The following CLEC16A variants were observed in gnomAD, a reference collection of about 807,000 sequenced individuals.
The protein encoded by CLEC16A is protein CLEC16A.
Under a neutral mutation model 109.5 loss-of-function variants are expected in CLEC16A, and 51 were observed. That is an observed-to-expected ratio of 0.47 (90% confidence interval 0.37 to 0.59). CLEC16A has a LOEUF of 0.59. CLEC16A is among the 20% of genes least tolerant of loss of function. The pLI, the probability that CLEC16A is intolerant of heterozygous loss-of-function variation, is 0.00. For missense variants in CLEC16A, 1,339 were observed against 1,394.0 expected (o/e 0.96, Z 0.63); for synonymous variants, 673 against 564.2 (o/e 1.19, Z -2.73).
chr16:11,044,927 CAAAAA>C (rs71404442), intron 16 of CLEC16A, among the ~76,000 whole-genome samples: 1 of 86,948 alleles, frequency 1.2e-5, no homozygotes, highest in African/African-American at 4.7e-5. Context: ...AACTCCATCT[CAAAAA>C]AAAAAAAAAA....
intron 18 of CLEC16A, among the ~76,000 whole-genome samples, chr16:11,058,275 C>T (rs963158600): frequency 6.6e-6 from 1 of 152,178 alleles, no homozygotes; most frequent in Non-Finnish European, 1.5e-5. Context: ...AGTCATCCCT[C>T]GGTATCCATG....
intron 23 of CLEC16A, among the ~76,000 whole-genome samples, chr16:11,175,941 T>C (rs754647009): frequency 1.9e-4 from 29 of 152,184 alleles, no homozygotes; most frequent in Middle Eastern, 6.3e-3. Flanking sequence ...TAAGAAAACG[T>C]GAAGGTAACG....
Position 11,015,683 on chromosome 16 carries a change from C to T in CLEC16A, c.1304-4510C>T, listed in dbSNP as rs575240927. Among the ~76,000 whole-genome samples, 16 of 152,356 alleles carry T rather than the reference C, an allele frequency of 1.1e-4. 1 individual carries two copies. The South Asian group carries it at 3.3e-3, about 32-fold the overall frequency. Reference sequence around the variant, plus strand: ...AGCTTGGTGCTGAATTGTCTTCACCCTCTTCTCTGCTCCGGAATTCTGCTG... The same window carrying T: ...AGCTTGGTGCTGAATTGTCTTCACCTTCTTCTCTGCTCCGGAATTCTGCTG... On this transcript the variant is annotated intron_variant, in intron 11 of 23. Transcript: ENST00000409790.
At chr16:11,012,451 C>G (rs2045479624) in intron 11 of CLEC16A, among the ~76,000 whole-genome samples, 3 of 151,786 alleles carry the variant, frequency 2.0e-5, no homozygotes, top group African/African-American at 2.4e-5. Flanking sequence ...AAAAATTAAC[C>G]AGGCGGAATG....
chr16:10,963,630 G>C (rs569869483), intron 3 of CLEC16A, among the ~76,000 whole-genome samples: 24 of 152,258 alleles, frequency 1.6e-4, no homozygotes, highest in South Asian at 6.2e-4. Context: ...GTGTGACTCC[G>C]AACTTCTTAC....
At chr16:11,165,249 G>A (rs1473789516) in intron 22 of CLEC16A, among the ~76,000 whole-genome samples, 1 of 152,060 alleles carries the variant, frequency 6.6e-6, no homozygotes, top group Non-Finnish European at 1.5e-5. Context: ...CCAGAACTTT[G>A]GGAGGCTGAA....
chr16:11,166,669 C>T (rs545827344), intron 23 of CLEC16A, 117 bp downstream of exon 23: 6 of 1,025,652 alleles, frequency 5.8e-6, no homozygotes, highest in Middle Eastern at 3.2e-4. Flanking sequence ...AGGATGATGC[C>T]GCTCAGGTGA....
chr16:11,167,550 C>G (rs1307840060), intron 23 of CLEC16A, among the ~76,000 whole-genome samples: 1 of 152,182 alleles, frequency 6.6e-6, no homozygotes, highest in African/African-American at 2.4e-5. Flanking sequence ...GCCAAGATCT[C>G]CCTGGGCACC....
intron 19 of CLEC16A, among the ~76,000 whole-genome samples, chr16:11,069,339 G>C (rs1427912382): frequency 5.3e-5 from 8 of 151,920 alleles, no homozygotes; most frequent in Non-Finnish European, 1.0e-4. Context: ...ATGTTGCCCA[G>C]GCTGGTCTCA....
chr16:11,107,325 C>T (rs547995851), intron 19 of CLEC16A, among the ~76,000 whole-genome samples: 6 of 152,170 alleles, frequency 3.9e-5, no homozygotes, highest in African/African-American at 1.2e-4. Context: ...CACTCTCTGT[C>T]CAGGAAATAT....
intron 17 of CLEC16A, chr16:11,047,626 G>A: frequency 3.7e-6 from 1 of 268,952 alleles, no homozygotes; most frequent in East Asian, 7.7e-5. Flanking sequence ...GACTTACTCT[G>A]TGCTGGATGT....
chr16:11,004,332 G>A (rs143161194), intron 11 of CLEC16A, among the ~76,000 whole-genome samples: 15 of 152,294 alleles, frequency 9.8e-5, no homozygotes, highest in African/African-American at 2.6e-4. Flanking sequence ...TGGGGGCAGC[G>A]GGAAGTGATG....
chr16:10,978,509 T>G (rs575192640), intron 8 of CLEC16A, among the ~76,000 whole-genome samples: 12 of 152,318 alleles, frequency 7.9e-5, no homozygotes, highest in Admixed American at 6.5e-4. Context: ...TGATCTCAGG[T>G]GATACGCCTG....
rs766294713 is a variant in CLEC16A at position 11,166,528 on chromosome 16, C to G, written c.2782C>G (p.Pro928Ala). The stretch of plus-strand genomic sequence containing the variant: ...TGGAGGCACCAGCTCGTCCTCCACC[C>G]CCTCCACAGCCCAGAGTCCAGCAGG... ...DSGGTSSSST[P>A]STAQSPADAP... Residue 928 changes from proline to alanine, a missense_variant, in exon 23 of 24, where the codon CCC becomes GCC. Pro to Ala is a conservative substitution (Grantham distance 27). This residue lies in a region of CLEC16A where 1,061 missense variants were observed against 1,006.8 expected (regional missense o/e 1.05). Transcript: ENST00000409790. The G allele has an allele frequency of 3.1e-6, 5 of 1,605,480 alleles. No homozygotes were observed. The African/African-American group carries it at 4.0e-5, about 13-fold the overall frequency.
At chr16:11,040,067 T>G in intron 14 of CLEC16A, 191 bp downstream of exon 14, 1 of 603,108 alleles carries the variant, frequency 1.7e-6, no homozygotes, top group Non-Finnish European at 2.7e-6. Context: ...GTCTTAGCTC[T>G]GGGTCTCCTT....
At chr16:10,949,074 G>C (rs189573356) in intron 1 of CLEC16A, among the ~76,000 whole-genome samples, 68 of 152,282 alleles carry the variant, frequency 4.5e-4, no homozygotes, top group South Asian at 1.9e-3. Context: ...CAAGCTAGTG[G>C]AAAAGAATGA....
chr16:11,042,030 G>A, intron 14 of CLEC16A: 1 of 524,538 alleles, frequency 1.9e-6, no homozygotes, highest in Non-Finnish European at 3.4e-6. Context: ...AGGGACTTCA[G>A]GGAAGTATTT....
chr16:11,062,440 G>A (rs1041711146), intron 19 of CLEC16A, among the ~76,000 whole-genome samples: 6 of 152,124 alleles, frequency 3.9e-5, no homozygotes, highest in South Asian at 2.1e-4. Context: ...CACAGCCTCC[G>A]TTTCGTCTCC....
chr16:11,024,866 T>A lies in CLEC16A; in HGVS notation c.1482T>A (p.Asp494Glu), dbSNP rs866790888. The change falls in exon 13 of 24, where the codon GAT becomes GAA. Residue 494 changes from aspartate (D) to glutamate (E), a missense_variant. Asp to Glu is a conservative substitution (Grantham distance 45). Around this residue, in one of 3 missense-constraint regions of CLEC16A, gnomAD observed 1,061 missense variants for 1,006.8 expected, o/e 1.05. Coordinates refer to ENST00000409790, the MANE Select transcript of CLEC16A (RefSeq NM_015226.3). ...MVYHALDSPDDDYHALFVLCL... is the reference protein window; with the variant it reads ...MVYHALDSPDEDYHALFVLCL... ...ACCACGCGCTGGACAGCCCGGATGA[T>A]GATTACCATGCCCTGTTCGTGCTCT... 6.2e-7 allele frequency: 1 copy of A among 1,610,050 alleles called. No homozygotes were observed. The highest frequency in any genetic ancestry group is 8.5e-7 in the Non-Finnish European group (1 of 1,178,300).
Sources: gnomAD v4.1 joint callset for allele counts (sites outside exome capture counted in the v4.1 genomes callset) on GRCh38, gnomAD v4.1.1 for gene constraint, gnomAD v4.1.1 regional missense constraint, MANE v1.5 for transcripts, NCBI Gene and HGNC (gene_info 2026-07-23, HGNC 2026-07-21) for gene names.